SUPT16H: variants seen among roughly 807,000 people sequenced by gnomAD.
SUPT16H encodes the protein SPT16 homolog, facilitates chromatin remodeling subunit, also known as FACT complex subunit SPT16.
A neutral mutation model predicts 136.2 loss-of-function variants in SUPT16H; 24 were observed. The ratio of observed to expected loss-of-function variants is 0.18; its 90% CI spans 0.13 to 0.25. SUPT16H has a LOEUF of 0.25. SUPT16H is among the 10% of genes least tolerant of loss of function. The pLI is 1.00. For synonymous variants in SUPT16H, 415 were observed against 428.2 expected (o/e 0.97, Z 0.38); for missense variants, 623 against 1,270.2 (o/e 0.49, Z 7.74).
chr14:21,361,310 G>GGTTT, intron 15 of SUPT16H, 97 bp from the exon 16 acceptor site: 2 of 853,284 alleles, frequency 2.3e-6, no homozygotes, highest in Non-Finnish European at 3.2e-6. Context: ...TCTCTACTTT[G>GGTTT]CTTTTTTTTT....
At chr14:21,373,239 G>T in intron 2 of SUPT16H, 99 bp downstream of exon 2, 1 of 1,003,308 alleles carries the variant, frequency 1.0e-6, no homozygotes, top group Non-Finnish European at 1.6e-6. Flanking sequence ...AGCCACCGCA[G>T]CCAGCCAGGA....
intron 1 of SUPT16H, among the ~76,000 whole-genome samples, chr14:21,379,341 C>A (rs1458455507): frequency 1.3e-5 from 2 of 150,742 alleles, no homozygotes; most frequent in African/African-American, 4.9e-5. Flanking sequence ...GAGGCTGAGA[C>A]ACGAGAATTG....
In SUPT16H at chr14:21,363,721, G is replaced by A. The variant is rs151025522; in HGVS notation, c.1234-218C>T. 9.2e-5 allele frequency among the ~76,000 whole-genome samples: 14 copies of A among 151,726 alleles called. No individual in the cohort carries two copies. In the East Asian group the frequency reaches 1.7e-3, roughly 19 times the overall value. ...GAGACAGAGTTTCACTCTTGTCAAC[G>A]AGGCTGGAGTGCAATGGCGTGACCT... On this transcript the variant is annotated intron_variant, in intron 10 of 25. Transcript: ENST00000216297.
Position 21,351,939 on chromosome 14 carries a change from T to C in SUPT16H, c.*734A>G, listed in dbSNP as rs1886314118. The C allele has an allele frequency of 6.5e-6, 1 of 152,726 alleles. No individual in the cohort carries two copies. Among genetic ancestry groups the C allele is most frequent in the Non-Finnish European group, 1.5e-5 (1 of 68,228 alleles). 9.5% of individuals were successfully genotyped at this position (152,726 alleles called of 1,614,324 possible). A position where few individuals can be genotyped will look rare whatever the true frequency, so the allele number is the denominator to read the frequency against. ...GCGGTACATGAGGCACAACCTGATATATCTTCCTTAGATATATGAGAAAAA... is the reference window on the plus strand; with the variant it reads ...GCGGTACATGAGGCACAACCTGATACATCTTCCTTAGATATATGAGAAAAA... On this transcript the variant is annotated 3_prime_UTR_variant, in exon 26 of 26. Transcript: ENST00000216297.
intron 1 of SUPT16H, chr14:21,382,996 C>G (rs552246130): frequency 5.8e-4 from 89 of 152,226 alleles, no homozygotes; most frequent in African/African-American, 2.1e-3. Context: ...AAAAAAAAAT[C>G]TTTATTAGCT....
intron 1 of SUPT16H, among the ~76,000 whole-genome samples, chr14:21,378,683 A>T (rs1025584392): frequency 6.6e-6 from 1 of 152,250 alleles, no homozygotes; most frequent in African/African-American, 2.4e-5. Flanking sequence ...CAGATTTACC[A>T]TAAGTTAATA....
chr14:21,359,220 C>T (rs1274930982), intron 19 of SUPT16H, among the ~76,000 whole-genome samples: 1 of 152,144 alleles, frequency 6.6e-6, no homozygotes, highest in Non-Finnish European at 1.5e-5. Context: ...GCCTTAGCCT[C>T]CCGACTAGCT....
Position 21,365,065 on chromosome 14 carries a change from C to A in SUPT16H, c.1120+5G>T, listed in dbSNP as rs749823165. 7 of 1,613,526 alleles carry A rather than the reference C, an allele frequency of 4.3e-6. 1 individual carries two copies. ...AAGCATTTTCCTATTGTATGTGAAACTTACCTTTCTTCAGTTTGTATTGAT... is the reference window on the plus strand; with the variant it reads ...AAGCATTTTCCTATTGTATGTGAAAATTACCTTTCTTCAGTTTGTATTGAT... On this transcript the variant is annotated splice_donor_5th_base_variant and intron_variant, in intron 9 of 25. Coordinates refer to ENST00000216297, the MANE Select transcript of SUPT16H (RefSeq NM_007192.4).
chr14:21,356,412 A>G (rs1341168882), intron 22 of SUPT16H, among the ~76,000 whole-genome samples: 1 of 152,210 alleles, frequency 6.6e-6, no homozygotes, highest in Non-Finnish European at 1.5e-5. Flanking sequence ...GGCATCAGGC[A>G]GACTCTGAAG....
At chr14:21,354,074 A>G (rs1886378300) in intron 23 of SUPT16H, among the ~76,000 whole-genome samples, 1 of 152,228 alleles carries the variant, frequency 6.6e-6, no homozygotes, top group South Asian at 2.1e-4. Context: ...ACCCAGGGAA[A>G]TTAACAACAG....
At chr14:21,373,796 C>T (rs548407412) in intron 1 of SUPT16H, among the ~76,000 whole-genome samples, 7 of 152,198 alleles carry the variant, frequency 4.6e-5, no homozygotes, top group South Asian at 4.2e-4. Context: ...GGTGCAATCT[C>T]GGCTCACTGC....
intron 1 of SUPT16H, among the ~76,000 whole-genome samples, chr14:21,374,834 G>C (rs553910833): frequency 6.6e-6 from 1 of 152,320 alleles, no homozygotes; most frequent in Non-Finnish European, 1.5e-5. Context: ...ATACCTAGGA[G>C]ATGAACTGCT....
intron 3 of SUPT16H, among the ~76,000 whole-genome samples, chr14:21,370,879 G>T (rs1594306811): frequency 6.6e-6 from 1 of 151,978 alleles, no homozygotes; most frequent in East Asian, 1.9e-4. Context: ...GGGTTCAAGT[G>T]ATTCTCATGC....
At chr14:21,357,462 ATAACT>A (rs1490454362) in intron 21 of SUPT16H, 96 bp from the exon 22 acceptor site, 5 of 1,285,390 alleles carry the variant, frequency 3.9e-6, no homozygotes, top group East Asian at 5.5e-5. Context: ...TACATAAAAG[ATAACT>A]TAAGCTGTTT....
Position 21,379,214 on chromosome 14 carries a change from T to C in SUPT16H, c.66+4648A>G, listed in dbSNP as rs144134017. 9.9e-5 allele frequency among the ~76,000 whole-genome samples: 15 copies of C among 152,074 alleles called. No homozygotes were observed. The East Asian group carries it at 2.3e-3, about 24-fold the overall frequency. On this transcript the variant is annotated intron_variant, in intron 1 of 25. Coordinates refer to ENST00000216297, the MANE Select transcript of SUPT16H (RefSeq NM_007192.4). ...ACTTTGGGAGGCTGGGGTGGGTGGA[T>C]TGCTTGAGGCCAGGAGTTAGAGACC...
intron 2 of SUPT16H, 78 bp from the exon 3 acceptor site, chr14:21,372,122 T>G: frequency 6.9e-7 from 1 of 1,439,720 alleles, no homozygotes; most frequent in Non-Finnish European, 9.3e-7. Flanking sequence ...ACAGAAATAC[T>G]TATAGACAAA....
chr14:21,372,355 C>T (rs927060410), intron 2 of SUPT16H: 2 of 323,804 alleles, frequency 6.2e-6, no homozygotes, highest in Non-Finnish European at 1.2e-5. Context: ...TTTAGTGATA[C>T]AGAAATGCAT....
chr14:21,373,560 T>G lies in SUPT16H; in HGVS notation c.67-130A>C, dbSNP rs560544217. The G allele has an allele frequency of 1.2e-5, 9 of 725,030 alleles. 1 individual carries two copies. In the Admixed American group the frequency reaches 1.3e-4, roughly 10 times the overall value. The allele number at this position is 725,030 out of a possible 1,614,324, so 44.9% of individuals were successfully genotyped here. A position where few individuals can be genotyped will look rare whatever the true frequency, so the allele number is the denominator to read the frequency against. ...TTCAAGTTTAAGGTACATGCCTGTT[T>G]GGCAGTCTTACGGCTATTCTATTTT... On this transcript the variant is annotated intron_variant, in intron 1 of 25. Coordinates refer to ENST00000216297, the MANE Select transcript of SUPT16H (RefSeq NM_007192.4).
intron 9 of SUPT16H, 41 bp downstream of exon 9, chr14:21,365,029 G>T (rs2139405225): frequency 6.2e-7 from 1 of 1,607,932 alleles, no homozygotes. Context: ...GCTAAAGGAA[G>T]TAACTCACAA....
Sources: allele counts gnomAD v4.1 joint callset (sites outside exome capture counted in the v4.1 genomes callset), GRCh38; gene constraint gnomAD v4.1.1; transcripts MANE v1.5; gene names NCBI Gene and HGNC (gene_info 2026-07-23, HGNC 2026-07-21).